The following SYT14 variants were observed in gnomAD, a reference collection of about 807,000 sequenced individuals.
The protein encoded by SYT14 is synaptotagmin 14.
SYT14 carries 32 observed loss-of-function variants against 74.2 expected under a neutral mutation model. That is an observed-to-expected ratio of 0.43 (90% CI 0.33 to 0.58). The LOEUF (loss-of-function observed/expected upper bound fraction) is 0.58. SYT14 is among the 20% of genes least tolerant of loss of function. The pLI is 0.05. For missense variants in SYT14, 791 were observed against 981.8 expected (o/e 0.81, Z 2.60); for synonymous variants, 298 against 337.7 (o/e 0.88, Z 1.29).
At chr1:210,037,692 T>C (rs1431468794) in intron 5 of SYT14, among the ~76,000 whole-genome samples, 1 of 152,002 alleles carries the variant, frequency 6.6e-6, no homozygotes, top group Non-Finnish European at 1.5e-5. Flanking sequence ...TTGTCATTGA[T>C]TCAAAGATCG....
chr1:209,993,607 C>T (rs978666382), intron 2 of SYT14, among the ~76,000 whole-genome samples: 1 of 152,112 alleles, frequency 6.6e-6, no homozygotes, highest in African/African-American at 2.4e-5. Context: ...CAGGGCCTGT[C>T]CAGAAGGGGT....
chr1:210,151,511 C>CCCT (rs1553289532), intron 7 of SYT14, among the ~76,000 whole-genome samples: 2 of 139,586 alleles, frequency 1.4e-5, no homozygotes, highest in Non-Finnish European at 3.0e-5. Context: ...AATGCCCCCC[C>CCCT]CCTTTTTTTT....
Position 210,089,821 on chromosome 1 carries a change from A to G in SYT14, c.1313-4501A>G, listed in dbSNP as rs551896047. On this transcript the variant is annotated intron_variant, in intron 5 of 9. Coordinates refer to ENST00000637265, the Ensembl canonical transcript of SYT14. ...GCATGAACAAAGCAACGAAAAAATC[A>G]AGCAATGAACGCATAGATTTATGCT... Among the ~76,000 whole-genome samples, 4 of 152,366 alleles carry G rather than the reference A, an allele frequency of 2.6e-5. No homozygotes were observed. The East Asian group carries it at 7.7e-4, about 29-fold the overall frequency.
At chr1:210,021,121 A>G (rs760567810) in exon 5 of SYT14, 2 of 1,614,066 alleles carry the variant, frequency 1.2e-6, no homozygotes, top group South Asian at 2.2e-5. Flanking sequence ...ATGAGGCCTT[A>G]TCCAGAACAC....
At chr1:209,991,018 A>G (rs2079674868) in intron 2 of SYT14, among the ~76,000 whole-genome samples, 1 of 152,176 alleles carries the variant, frequency 6.6e-6, no homozygotes, top group Non-Finnish European at 1.5e-5. Context: ...AGTCAACAAA[A>G]TTATACACTG....
chr1:209,962,940 A>G (rs914820791), intron 2 of SYT14, among the ~76,000 whole-genome samples: 3 of 152,168 alleles, frequency 2.0e-5, no homozygotes, highest in South Asian at 2.1e-4. Context: ...GAGTTTTGCA[A>G]GTGTAAAACT....
intron 2 of SYT14, among the ~76,000 whole-genome samples, chr1:209,988,656 T>G (rs1341248191): frequency 6.6e-6 from 1 of 152,228 alleles, no homozygotes; most frequent in Non-Finnish European, 1.5e-5. Flanking sequence ...AGATTAATTT[T>G]CTGAAGCAAA....
At chr1:210,124,467 A>T (rs376668445) in intron 7 of SYT14, among the ~76,000 whole-genome samples, 7 of 152,150 alleles carry the variant, frequency 4.6e-5, no homozygotes, top group African/African-American at 1.7e-4. Flanking sequence ...CAAATAAAGG[A>T]TCTGAACAAT....
intron 1 of SYT14, among the ~76,000 whole-genome samples, chr1:209,940,465 C>T (rs2078712160): frequency 6.6e-6 from 1 of 151,762 alleles, no homozygotes; most frequent in Non-Finnish European, 1.5e-5. Flanking sequence ...TCAAAGAGTT[C>T]ATGTTCTATT....
At chr1:210,078,694 A>G (rs934384350) in intron 5 of SYT14, among the ~76,000 whole-genome samples, 10 of 152,108 alleles carry the variant, frequency 6.6e-5, no homozygotes, top group Non-Finnish European at 7.4e-5. Flanking sequence ...AGAAATATCA[A>G]GCATGTTAGA....
At chr1:209,995,970 G>C (rs1028105979) in intron 2 of SYT14, among the ~76,000 whole-genome samples, 1 of 152,062 alleles carries the variant, frequency 6.6e-6, no homozygotes, top group Non-Finnish European at 1.5e-5. Flanking sequence ...CTGGGATGCA[G>C]CTAAAGTAGT....
At chr1:210,061,251 C>T (rs529194842) in intron 5 of SYT14, among the ~76,000 whole-genome samples, 17 of 152,056 alleles carry the variant, frequency 1.1e-4, no homozygotes, top group African/African-American at 4.1e-4. Flanking sequence ...ACGAAATTTT[C>T]ATAATTGAGT....
intron 5 of SYT14, among the ~76,000 whole-genome samples, chr1:210,072,955 A>G (rs1289707658): frequency 1.3e-5 from 2 of 151,754 alleles, no homozygotes; most frequent in Non-Finnish European, 2.9e-5. Flanking sequence ...ATAAAAGATT[A>G]ATAACTCTTT....
intron 5 of SYT14, among the ~76,000 whole-genome samples, chr1:210,046,167 TCAA>T (rs2080880601): frequency 1.3e-5 from 2 of 152,148 alleles, no homozygotes; most frequent in African/African-American, 2.4e-5. Flanking sequence ...GGTCAGGAGT[TCAA>T]GACCAGTCTG....
chr1:210,059,714 G>T (rs1462828772), intron 5 of SYT14, among the ~76,000 whole-genome samples: 1 of 151,998 alleles, frequency 6.6e-6, no homozygotes, highest in African/African-American at 2.4e-5. Context: ...AGGCCCGATA[G>T]CCTGATATGG....
intron 5 of SYT14, among the ~76,000 whole-genome samples, chr1:210,048,549 C>T (rs750256282): frequency 7.2e-5 from 11 of 152,150 alleles, no homozygotes; most frequent in Non-Finnish European, 1.3e-4. Context: ...GAAAGATGCA[C>T]CCCCATAATT....
At chr1:210,123,654 C>T (rs561455386) in intron 7 of SYT14, among the ~76,000 whole-genome samples, 2 of 152,290 alleles carry the variant, frequency 1.3e-5, no homozygotes, top group African/African-American at 4.8e-5. Context: ...ATTGCCTTAT[C>T]TCCATCTAAT....
intron 5 of SYT14, among the ~76,000 whole-genome samples, chr1:210,047,758 T>C (rs750203218): frequency 5.9e-5 from 9 of 152,202 alleles, no homozygotes; most frequent in Non-Finnish European, 1.0e-4. Flanking sequence ...CTGAGACTAC[T>C]ACAGATGTTT....
At chr1:210,072,850 AT>A (rs1247934777) in intron 5 of SYT14, among the ~76,000 whole-genome samples, 1 of 151,892 alleles carries the variant, frequency 6.6e-6, no homozygotes, top group Admixed American at 6.6e-5. Flanking sequence ...AATTTTCTGT[AT>A]TTTTTGGGAC....
Sources: allele counts gnomAD v4.1 joint callset (sites outside exome capture counted in the v4.1 genomes callset), GRCh38; gene constraint gnomAD v4.1.1; transcripts MANE v1.5; gene names NCBI Gene and HGNC (gene_info 2026-07-23, HGNC 2026-07-21).